The following SOX6 variants were observed in gnomAD, a reference collection of about 807,000 sequenced individuals.
SOX6 encodes SRY-box transcription factor 6, also known as transcription factor SOX-6.
In SOX6, 11 loss-of-function variants were observed where a neutral mutation model predicts 97.8. The ratio of observed to expected loss-of-function variants is 0.11; its 90% CI spans 0.07 to 0.19. The LOEUF (loss-of-function observed/expected upper bound fraction) is 0.19. Ranked by LOEUF, SOX6 falls within the 10% of genes least tolerant of loss-of-function variation. The pLI, the probability that SOX6 is intolerant of heterozygous loss-of-function variation, is 1.00. For missense variants in SOX6, 810 were observed against 1,039.5 expected (o/e 0.78, Z 3.04); for synonymous variants, 360 against 371.4 (o/e 0.97, Z 0.35).
chr11:16,062,062 G>C (rs533150673), intron 9 of SOX6, among the ~76,000 whole-genome samples: 2 of 151,662 alleles, frequency 1.3e-5, no homozygotes, highest in East Asian at 3.9e-4. Context: ...AAACTAAAAA[G>C]CTTCTGCACA....
At chr11:16,049,626 G>A in intron 11 of SOX6, 129 bp downstream of exon 11, 1 of 1,084,218 alleles carries the variant, frequency 9.2e-7, no homozygotes. Flanking sequence ...TTATGTTTCA[G>A]TAGAAAAGAT....
intron 4 of SOX6, among the ~76,000 whole-genome samples, chr11:16,562,351 C>T (rs963971092): frequency 3.3e-5 from 5 of 152,024 alleles, no homozygotes; most frequent in South Asian, 2.1e-4. Flanking sequence ...TTGTGTATAC[C>T]AGACTTGGAG....
At chr11:16,241,806 G>A (rs1261369614) in intron 3 of SOX6, among the ~76,000 whole-genome samples, 2 of 151,944 alleles carry the variant, frequency 1.3e-5, no homozygotes, top group African/African-American at 4.8e-5. Context: ...GAGCCTGCCT[G>A]CAATAAGAGT....
At chr11:16,137,878 C>T (rs1454027701) in intron 6 of SOX6, among the ~76,000 whole-genome samples, 1 of 152,160 alleles carries the variant, frequency 6.6e-6, no homozygotes, top group East Asian at 1.9e-4. Context: ...TCGCTGGGCA[C>T]TCATTCTCTC....
chr11:16,352,871 C>A (rs1856985327), intron 1 of SOX6, among the ~76,000 whole-genome samples: 1 of 151,964 alleles, frequency 6.6e-6, no homozygotes, highest in African/African-American at 2.4e-5. Flanking sequence ...CTAACCAATC[C>A]TTTTAACTGT....
chr11:16,309,704 T>C (rs1855541399), intron 3 of SOX6, among the ~76,000 whole-genome samples: 1 of 152,128 alleles, frequency 6.6e-6, no homozygotes, highest in Non-Finnish European at 1.5e-5. Flanking sequence ...AATGTTTACA[T>C]TTACCACTTC....
intron 4 of SOX6, among the ~76,000 whole-genome samples, chr11:16,501,532 A>G (rs9666320): frequency 0.17 from 25,849 of 151,864 alleles, 2,699 homozygotes; most frequent in Admixed American, 0.3. Context: ...CAACCTACAG[A>G]ATGGGAGAAA....
chr11:16,593,718 A>G (rs1032757772), intron 4 of SOX6, among the ~76,000 whole-genome samples: 2 of 152,210 alleles, frequency 1.3e-5, no homozygotes, highest in Non-Finnish European at 2.9e-5. Context: ...TGTTATGCAC[A>G]TCATCTCCTC....
At chr11:16,526,712 A>G (rs1861171674) in intron 4 of SOX6, among the ~76,000 whole-genome samples, 1 of 152,092 alleles carries the variant, frequency 6.6e-6, no homozygotes, top group Non-Finnish European at 1.5e-5. Context: ...AAAAGTACTA[A>G]CTTATCTAAA....
At chr11:16,487,291 G>A (rs1000187299) in intron 4 of SOX6, among the ~76,000 whole-genome samples, 2 of 152,092 alleles carry the variant, frequency 1.3e-5, no homozygotes, top group African/African-American at 4.8e-5. Flanking sequence ...TTAAAAATCT[G>A]AGATAAAGAT....
In SOX6 at chr11:15,969,902, A is replaced by G. The variant is rs1026448623; in HGVS notation, c.*2907T>C. 2 of 152,266 alleles carry G rather than the reference A, an allele frequency of 1.3e-5. No homozygotes were observed. Among genetic ancestry groups the G allele is most frequent in the Non-Finnish European group, 2.9e-5 (2 of 68,050 alleles). 9.4% of individuals were successfully genotyped at this position (152,266 alleles called of 1,614,324 possible). On this transcript the variant is annotated 3_prime_UTR_variant, in exon 16 of 16. Transcript: ENST00000683767. ...AAATACAGCATTACTGTTTGATCCA[A>G]TGAAAAAGACGTTTACAATCAGATC...
chr11:16,160,799 T>C (rs560104355), intron 6 of SOX6, among the ~76,000 whole-genome samples: 30 of 152,340 alleles, frequency 2.0e-4, no homozygotes, highest in Middle Eastern at 3.4e-3. Context: ...TTTCTGACCA[T>C]GAATGACTTT....
chr11:16,548,537 G>T (rs1847645497), intron 4 of SOX6, among the ~76,000 whole-genome samples: 1 of 152,108 alleles, frequency 6.6e-6, no homozygotes, highest in African/African-American at 2.4e-5. Context: ...AAATGTATGA[G>T]AAAATATTTC....
At chr11:16,335,020 GCTGT>G (rs1856415044) in intron 2 of SOX6, among the ~76,000 whole-genome samples, 1 of 152,068 alleles carries the variant, frequency 6.6e-6, no homozygotes, top group South Asian at 2.1e-4. Flanking sequence ...GACAACATTT[GCTGT>G]CTATTTCACT....
At chr11:16,554,166 A>T (rs1331009126) in intron 4 of SOX6, among the ~76,000 whole-genome samples, 1 of 152,158 alleles carries the variant, frequency 6.6e-6, no homozygotes, top group Non-Finnish European at 1.5e-5. Context: ...TACCCAACAA[A>T]AATGAGCAGA....
At chr11:16,126,097 G>A (rs1029876592) in intron 6 of SOX6, among the ~76,000 whole-genome samples, 1 of 151,994 alleles carries the variant, frequency 6.6e-6, no homozygotes, top group African/African-American at 2.4e-5. Context: ...CCCATGATAT[G>A]TGAGTCACAT....
chr11:16,234,375 G>A (rs1852951824), intron 4 of SOX6, among the ~76,000 whole-genome samples: 1 of 152,000 alleles, frequency 6.6e-6, no homozygotes, highest in Admixed American at 6.6e-5. Context: ...TATGTTTATA[G>A]ACTAATACAA....
At chr11:16,519,980 G>C (rs1241582411) in intron 4 of SOX6, among the ~76,000 whole-genome samples, 1 of 151,890 alleles carries the variant, frequency 6.6e-6, no homozygotes, top group Non-Finnish European at 1.5e-5. Flanking sequence ...TGTATTTTTT[G>C]GCCACTTACA....
At chr11:15,992,330 T>C (rs1426622448) in intron 13 of SOX6, among the ~76,000 whole-genome samples, 1 of 152,200 alleles carries the variant, frequency 6.6e-6, no homozygotes, top group East Asian at 1.9e-4. Context: ...TTGAATCTGA[T>C]ACCTGATCAA....
Sources: gnomAD v4.1 joint callset for allele counts (sites outside exome capture counted in the v4.1 genomes callset) on GRCh38, gnomAD v4.1.1 for gene constraint, MANE v1.5 for transcripts, NCBI Gene and HGNC (gene_info 2026-07-23, HGNC 2026-07-21) for gene names.